The following CIAO2B variants were observed in gnomAD, a reference collection of about 807,000 sequenced individuals.
CIAO2B encodes the protein MSS19-interacting protein of 18 kDa.
CIAO2B carries 20 observed loss-of-function variants against 16.4 expected under a neutral mutation model. That is an observed-to-expected ratio of 1.22 (90% CI 0.86 to 1.77). The LOEUF is 1.77. Ranked by LOEUF, CIAO2B falls within the 40% of genes most tolerant of loss-of-function variation. The pLI is 0.00. For synonymous variants in CIAO2B, 106 were observed against 90.4 expected (o/e 1.17, Z -0.98); for missense variants, 215 against 222.4 (o/e 0.97, Z 0.21).
In CIAO2B at chr16:66,934,173, C is replaced by A. The variant is rs372085708; in HGVS notation, c.142+50G>T. The A allele has an allele frequency of 3.1e-4, 498 of 1,609,260 alleles. No homozygotes were observed. Among genetic ancestry groups the A allele is most frequent in the Non-Finnish European group, 3.9e-4 (459 of 1,178,040 alleles). On this transcript the variant is annotated intron_variant, in intron 1 of 4. Coordinates refer to ENST00000422424, the MANE Select transcript of CIAO2B (RefSeq NM_016062.4). The surrounding 1 kb of genome is among the most constrained non-coding windows in gnomAD (Gnocchi z 4.1). ...CACCAGCTGCTCGATATCACTGCTC[C>A]CCCCACCGCAAGCCCCCGGAACCCG...
chr16:66,932,650 G>A lies in CIAO2B; in HGVS notation c.394+130C>T, dbSNP rs572102647. Reference sequence around the variant, plus strand: ...GGTCTAGGCTATAACCCATACTGAGGAGTCTCTGGCAATTTCACTCACACA... The same window carrying A: ...GGTCTAGGCTATAACCCATACTGAGAAGTCTCTGGCAATTTCACTCACACA... On this transcript the variant is annotated intron_variant, in intron 4 of 4. Transcript: ENST00000422424. The A allele has an allele frequency of 3.7e-6, 4 of 1,083,512 alleles. No individual in the cohort carries two copies. The South Asian group carries it at 4.0e-5, about 11-fold the overall frequency. The allele number at this position is 1,083,512 out of a possible 1,614,324, so 67.1% of individuals were successfully genotyped here.
Position 66,934,347 on chromosome 16 carries a change from C to CCCG in CIAO2B, c.15_17dup (p.Gly6dup), listed in dbSNP as rs1351057290. On this transcript the variant is annotated inframe_insertion, in exon 1 of 5. Coordinates refer to ENST00000422424, the MANE Select transcript of CIAO2B (RefSeq NM_016062.4). The surrounding 1 kb of genome is among the most constrained non-coding windows in gnomAD (Gnocchi z 4.1). Reference sequence around the variant, plus strand: ...CATTCTCCAGGAGGCCGCCGCCGACCCCGCCGCCGCCTACCATCGCGGAAC... The same window carrying CCCG: ...CATTCTCCAGGAGGCCGCCGCCGACCCCGCCGCCGCCGCCTACCATCGCGGAAC... The CCCG allele has an allele frequency of 6.4e-7, 1 of 1,568,726 alleles. No homozygotes were observed. Among genetic ancestry groups the CCCG allele is most frequent in the Admixed American group, 1.9e-5 (1 of 53,764 alleles).
chr16:66,933,791 C>T (rs1884586371), intron 2 of CIAO2B, 52 bp from the exon 3 acceptor site: 2 of 1,546,578 alleles, frequency 1.3e-6, no homozygotes, highest in Non-Finnish European at 1.7e-6. Flanking sequence ...CCCAAGGTCC[C>T]TCTTCTTAGT....
chr16:66,932,273 CGCTCCTTATCTGCAAGTT>C lies in CIAO2B; in HGVS notation c.404_421del (p.Gln135_Glu140del). On this transcript the variant is annotated inframe_deletion, in exon 5 of 5. Coordinates refer to ENST00000422424, the MANE Select transcript of CIAO2B (RefSeq NM_016062.4). ...GGTGTTCTCCAGGGCAGCTGCCACC[CGCTCCTTATCTGCAAGTT>C]GCTTGTTCACTAGGTGGGAAGAAGG... 6.2e-7 allele frequency: 1 copy of C among 1,613,788 alleles called. No individual in the cohort carries two copies. Among genetic ancestry groups the C allele is most frequent in the Non-Finnish European group, 8.5e-7 (1 of 1,179,812 alleles).
At position 66,934,345 on chromosome 16, in the gene CIAO2B, AC is replaced by A; in HGVS notation, c.19del (p.Val7SerfsTer22). 1 of 1,562,916 alleles carries A rather than the reference AC, an allele frequency of 6.4e-7. No individual in the cohort carries two copies. On this transcript the variant is annotated frameshift_variant, in exon 1 of 5. Transcript: ENST00000422424. LOFTEE classifies it high-confidence loss of function. This position sits in a 1 kb window ranked among gnomAD's most constrained non-coding sequence, Gnocchi z 4.1. ...GGCATTCTCCAGGAGGCCGCCGCCG[AC>A]CCCGCCGCCGCCTACCATCGCGGAA... is the stretch of plus-strand genomic sequence containing the variant. MVGGGG[V>X]GGGLLENANP...
intron 2 of CIAO2B, 36 bp downstream of exon 2, chr16:66,933,951 C>T (rs762213052): frequency 6.2e-7 from 1 of 1,611,264 alleles, no homozygotes; most frequent in South Asian, 1.1e-5. Context: ...CTTTCTGACT[C>T]TCTGGAACAA....
rs1177758694 is a variant in CIAO2B, at chr16:66,933,721, TA to T, written c.240del (p.Ser80ArgfsTer53). 15 of 1,568,090 alleles carry T rather than the reference TA, an allele frequency of 9.6e-6. No individual in the cohort carries two copies. Among genetic ancestry groups the T allele is most frequent in the Non-Finnish European group, 1.3e-5 (15 of 1,156,354 alleles). ...QVRVQVSDPE[S>X]TVAVAFTPTI... ...GTTGGTGTGAAAGCCACAGCCACTG[TA>T]CTCTCGGGGTCGCTAACCTGGTTGT... On this transcript the variant is annotated frameshift_variant, in exon 3 of 5. Transcript: ENST00000422424. LOFTEE classifies it high-confidence loss of function.
In CIAO2B at chr16:66,934,343, C is replaced by T; in HGVS notation, c.22G>A (p.Gly8Ser). MVGGGGV[G>S]GGLLENANPL... ...TTGGCATTCTCCAGGAGGCCGCCGC[C>T]GACCCCGCCGCCGCCTACCATCGCG... Residue 8 changes from glycine (G) to serine (S), a missense_variant, in exon 1 of 5, where the codon GGC (glycine) becomes AGC (serine). Gly to Ser is a moderately conservative substitution (Grantham distance 56). Coordinates refer to ENST00000422424, the MANE Select transcript of CIAO2B (RefSeq NM_016062.4). The surrounding 1 kb of genome is among the most constrained non-coding windows in gnomAD (Gnocchi z 4.1). The T allele has an allele frequency of 1.3e-6, 2 of 1,573,608 alleles. No homozygotes were observed. Among genetic ancestry groups the T allele is most frequent in the Non-Finnish European group, 8.6e-7 (1 of 1,166,380 alleles).
chr16:66,933,638 C>G lies in CIAO2B; in HGVS notation c.324G>C (p.Leu108=). The stretch of plus-strand genomic sequence containing the variant: ...CCTTGAAACGCTGAGGAAGGGAGCG[C>G]AGAAGCTTGACCTTGATGGACAGAC... ...LIGLSIKVKL[L]RSLPQRFKMD... The change falls in exon 3 of 5, where the codon CTG becomes CTC. Residue 108 remains leucine (L), a synonymous_variant. Coordinates refer to ENST00000422424, the MANE Select transcript of CIAO2B (RefSeq NM_016062.4). 1 of 1,609,342 alleles carries G rather than the reference C, an allele frequency of 6.2e-7. No individual in the cohort carries two copies. The highest frequency in any genetic ancestry group is 8.5e-7 in the Non-Finnish European group (1 of 1,177,876).
intron 4 of CIAO2B, 118 bp downstream of exon 4, chr16:66,932,662 A>C: frequency 8.0e-7 from 1 of 1,254,962 alleles, no homozygotes. Context: ...GTCTCTGGCA[A>C]TTTCACTCAC....
Position 66,932,262 on chromosome 16 carries a change from C to A in CIAO2B, c.433G>T (p.Ala145Ser). 1 of 1,613,878 alleles carries A rather than the reference C, an allele frequency of 6.2e-7. No individual in the cohort carries two copies. Among genetic ancestry groups the A allele is most frequent in the Non-Finnish European group, 8.5e-7 (1 of 1,179,844 alleles). Residue 145 changes from alanine to serine, a missense_variant, in exon 5 of 5, where the codon GCC (alanine) becomes TCC (serine). Transcript: ENST00000422424. ...QLADKERVAA[A>S]LENTHLLEVV... ...TCCAAGAGGTGGGTGTTCTCCAGGG[C>A]AGCTGCCACCCGCTCCTTATCTGCA...
At chr16:66,933,437 G>T in intron 3 of CIAO2B, 177 bp downstream of exon 3, 2 of 869,776 alleles carry the variant, frequency 2.3e-6, no homozygotes, top group Admixed American at 2.9e-5. Flanking sequence ...TTCCAGCTCA[G>T]ATCTTTATTC....
In CIAO2B at chr16:66,934,297, G is replaced by C; in HGVS notation, c.68C>G (p.Ser23Cys). Reference sequence around the variant, plus strand: ...GCCTGCCGTCACAGGCCGCTCCCCAGAGCGCTGGTAGATGAGGGGGTTGGC... The same window carrying C: ...GCCTGCCGTCACAGGCCGCTCCCCACAGCGCTGGTAGATGAGGGGGTTGGC... ...ENANPLIYQRSGERPVTAGEE... is the reference protein window; with the variant it reads ...ENANPLIYQRCGERPVTAGEE... The change falls in exon 1 of 5, where the codon TCT becomes TGT. Residue 23 changes from serine (S) to cysteine (C), a missense_variant. Coordinates refer to ENST00000422424, the MANE Select transcript of CIAO2B (RefSeq NM_016062.4). This position sits in a 1 kb window ranked among gnomAD's most constrained non-coding sequence, Gnocchi z 4.1. 2 of 1,607,810 alleles carry C rather than the reference G, an allele frequency of 1.2e-6. No individual in the cohort carries two copies. The highest frequency in any genetic ancestry group is 4.5e-5 in the East Asian group (2 of 44,854).
At chr16:66,932,554 T>TGAGGGG (rs1249767831) in intron 4 of CIAO2B, 2 of 724,554 alleles carry the variant, frequency 2.8e-6, no homozygotes, top group Non-Finnish European at 5.0e-6. Context: ...TCTGGTCCTG[T>TGAGGGG]ATATTTGGTG....
rs780923261 is a variant in CIAO2B at position 66,932,303 on chromosome 16, AGGTGGGAAGAAG to A, written c.395-15_395-4del. ...CTTATCTGCAAGTTGCTTGTTCACT[AGGTGGGAAGAAG>A]GGTGTGGGGAAGGCAGAGTCAAAGC... On this transcript the variant is annotated splice_polypyrimidine_tract_variant and splice_region_variant and intron_variant, in intron 4 of 4. Transcript: ENST00000422424. The A allele has an allele frequency of 2.5e-6, 4 of 1,613,014 alleles. No homozygotes were observed. In the Admixed American group the frequency reaches 6.7e-5, roughly 27 times the overall value.
In CIAO2B at chr16:66,932,143, G is replaced by A. The variant is rs751237715; in HGVS notation, c.*60C>T. The A allele has an allele frequency of 5.3e-6, 7 of 1,311,626 alleles. No homozygotes were observed. The highest frequency in any genetic ancestry group is 7.5e-6 in the Non-Finnish European group (7 of 933,530). 81.2% of individuals were successfully genotyped at this position (1,311,626 alleles called of 1,614,324 possible). On this transcript the variant is annotated 3_prime_UTR_variant, in exon 5 of 5. Coordinates refer to ENST00000422424, the MANE Select transcript of CIAO2B (RefSeq NM_016062.4). ...GTGATTCAAGAAAACAACGGTAACA[G>A]CCCTGGCAGGAGCTGGGACCAGGAT...
rs764355457 is a variant in CIAO2B at position 66,933,655 on chromosome 16, T to G, written c.307A>C (p.Ile103Leu). 6.2e-7 allele frequency: 1 copy of G among 1,607,832 alleles called. No individual in the cohort carries two copies. The highest frequency in any genetic ancestry group is 8.5e-7 in the Non-Finnish European group (1 of 1,177,214). ...CSMATLIGLSIKVKLLRSLPQ... is the reference protein window; with the variant it reads ...CSMATLIGLSLKVKLLRSLPQ... ...AGGGAGCGCAGAAGCTTGACCTTGATGGACAGACCAATAAGGGTGGCCATG... is the reference window on the plus strand; with the variant it reads ...AGGGAGCGCAGAAGCTTGACCTTGAGGGACAGACCAATAAGGGTGGCCATG... The change falls in exon 3 of 5, where the codon ATC becomes CTC. Residue 103 changes from isoleucine (I) to leucine (L), a missense_variant. Coordinates refer to ENST00000422424, the MANE Select transcript of CIAO2B (RefSeq NM_016062.4).
intron 4 of CIAO2B, 194 bp downstream of exon 4, chr16:66,932,586 G>A (rs773220861): frequency 1.3e-6 from 1 of 748,854 alleles, no homozygotes. Context: ...GGGAGAAGAG[G>A]ACATGGTAAG....
intron 4 of CIAO2B, 197 bp from the exon 5 acceptor site, chr16:66,932,497 G>C (rs1295523201): frequency 1.4e-6 from 1 of 718,630 alleles, no homozygotes; most frequent in African/African-American, 1.7e-5. Flanking sequence ...TGCCTTCTTA[G>C]GATCCCTCCC....
Sources: gnomAD v4.1 joint callset for allele counts on GRCh38, gnomAD v4.1.1 for gene constraint, Gnocchi (gnomAD v3.1) non-coding constraint, MANE v1.5 for transcripts, NCBI Gene and HGNC (gene_info 2026-07-23, HGNC 2026-07-21) for gene names.